The following TENM2 variants were observed in gnomAD, a reference collection of about 807,000 sequenced individuals.
TENM2 encodes teneurin transmembrane protein 2, also known as teneurin-2.
In TENM2, 52 loss-of-function variants were observed where a neutral mutation model predicts 245.2. That is an observed-to-expected ratio of 0.21 (90% CI 0.17 to 0.27). The LOEUF is 0.27. Ranked by LOEUF, TENM2 falls within the 10% of genes least tolerant of loss-of-function variation. The pLI is 1.00. For synonymous variants in TENM2, 1,363 were observed against 1,438.9 expected (o/e 0.95, Z 1.19); for missense variants, 3,046 against 3,666.8 (o/e 0.83, Z 4.37).
intron 3 of TENM2, among the ~76,000 whole-genome samples, chr5:167,892,700 G>T (rs760721378): frequency 6.6e-6 from 1 of 152,088 alleles, no homozygotes; most frequent in African/African-American, 2.4e-5. Context: ...ATTTTGCCTC[G>T]ATTATAGTTC....
At chr5:167,429,019 G>A (rs1237740128) in intron 2 of TENM2, among the ~76,000 whole-genome samples, 2 of 152,084 alleles carry the variant, frequency 1.3e-5, no homozygotes, top group African/African-American at 2.4e-5. Flanking sequence ...TTCCCAGAAA[G>A]TATTTTTATA....
At chr5:167,116,774 C>A in the TENM2 span, 1 of 151,728 alleles carries the variant, frequency 6.6e-6, no homozygotes, top group African/African-American at 2.4e-5. Flanking sequence ...TCAAAAATTT[C>A]TTTCCACTCA....
At chr5:168,231,401 A>C (rs1376016507) in intron 25 of TENM2, among the ~76,000 whole-genome samples, 1 of 152,254 alleles carries the variant, frequency 6.6e-6, no homozygotes, top group Non-Finnish European at 1.5e-5. Context: ...GGAAAGGCCA[A>C]GAGGCCAAAA....
chr5:167,870,569 A>ATATATATATATATATATATATG (rs372917707), intron 2 of TENM2, among the ~76,000 whole-genome samples: 1 of 142,446 alleles, frequency 7.0e-6, no homozygotes, highest in African/African-American at 2.8e-5. Context: ...ATATATATAT[A>ATATATATATATATATATATATG]TGTGTGTGTA....
At chr5:167,763,296 G>A (rs1413241477) in intron 2 of TENM2, among the ~76,000 whole-genome samples, 1 of 152,174 alleles carries the variant, frequency 6.6e-6, no homozygotes, top group Non-Finnish European at 1.5e-5. Context: ...GTGGACCATA[G>A]AGAGCACAAC....
chr5:168,079,352 A>G (rs370282235), intron 7 of TENM2, among the ~76,000 whole-genome samples: 1 of 151,934 alleles, frequency 6.6e-6, no homozygotes, highest in Non-Finnish European at 1.5e-5. Context: ...GGGTTTTCTA[A>G]ATATACAATC....
chr5:168,245,842 G>C (rs1164041385), intron 26 of TENM2, among the ~76,000 whole-genome samples: 5 of 152,150 alleles, frequency 3.3e-5, no homozygotes, highest in African/African-American at 1.2e-4. Context: ...TGATTGACCA[G>C]GGGAGCAGGA....
chr5:167,214,680 A>G, the TENM2 span, among the ~76,000 whole-genome samples: 1 of 152,180 alleles, frequency 6.6e-6, no homozygotes, highest in Non-Finnish European at 1.5e-5. Context: ...ATTAGCAATG[A>G]TGGACCCTGG....
the TENM2 span, among the ~76,000 whole-genome samples, chr5:167,163,932 A>T: frequency 6.6e-6 from 1 of 152,238 alleles, no homozygotes; most frequent in African/African-American, 2.4e-5. Context: ...CTGCATGCTC[A>T]TATCAGAGCC....
chr5:168,178,227 C>T (rs1759523839), intron 13 of TENM2, among the ~76,000 whole-genome samples: 1 of 152,216 alleles, frequency 6.6e-6, no homozygotes, highest in Non-Finnish European at 1.5e-5. Flanking sequence ...CTGTCTGGCA[C>T]CAGGCTGCCA....
At chr5:167,385,517 T>C (rs1476583942) in intron 2 of TENM2, among the ~76,000 whole-genome samples, 1 of 150,150 alleles carries the variant, frequency 6.7e-6, no homozygotes, top group African/African-American at 2.5e-5. Flanking sequence ...TTTTTTTTTT[T>C]ACTTCCATAG....
At chr5:167,990,603 A>G (rs190391260) in intron 4 of TENM2, among the ~76,000 whole-genome samples, 9 of 152,340 alleles carry the variant, frequency 5.9e-5, no homozygotes, top group East Asian at 3.9e-4. Context: ...GTCTTGTGCT[A>G]CAATGCTGTC....
intron 2 of TENM2, among the ~76,000 whole-genome samples, chr5:167,517,679 C>T (rs1770473322): frequency 1.3e-5 from 2 of 152,130 alleles, no homozygotes; most frequent in African/African-American, 4.8e-5. Context: ...AAGTTTTTAT[C>T]TGGGAACATT....
At chr5:168,263,112 G>A (rs1456849557), downstream of TENM2, 10 of 302,936 alleles carry the variant, frequency 3.3e-5, no homozygotes, top group African/African-American at 1.7e-4. Context: ...CTGGGTCTAC[G>A]CAGAAAAGAG....
At chr5:167,566,336 ATGTC>A (rs949384211) in intron 2 of TENM2, among the ~76,000 whole-genome samples, 2 of 152,234 alleles carry the variant, frequency 1.3e-5, no homozygotes, top group Admixed American at 1.3e-4. Flanking sequence ...ACCCTCCAGA[ATGTC>A]TGTCTGTTGT....
intron 2 of TENM2, among the ~76,000 whole-genome samples, chr5:167,398,732 G>T (rs1367253993): frequency 1.3e-5 from 2 of 152,176 alleles, no homozygotes; most frequent in African/African-American, 2.4e-5. Flanking sequence ...GAGGTGCTAG[G>T]ATTACACCAG....
chr5:167,485,444 A>G (rs1767998764), intron 2 of TENM2, among the ~76,000 whole-genome samples: 1 of 152,250 alleles, frequency 6.6e-6, no homozygotes, highest in Non-Finnish European at 1.5e-5. Flanking sequence ...AAATGAAATT[A>G]ACGTGTCTTT....
the TENM2 span, among the ~76,000 whole-genome samples, chr5:167,251,285 A>T: frequency 6.6e-6 from 1 of 152,134 alleles, no homozygotes; most frequent in African/African-American, 2.4e-5. Flanking sequence ...ACAAACAAAT[A>T]ACTAAATTCA....
At chr5:168,077,785 C>T (rs1581234527) in intron 7 of TENM2, among the ~76,000 whole-genome samples, 1 of 152,260 alleles carries the variant, frequency 6.6e-6, no homozygotes, top group African/African-American at 2.4e-5. Context: ...GCATAGTATT[C>T]CATGGTGTAT....
Sources: gnomAD v4.1 joint callset for allele counts (sites outside exome capture counted in the v4.1 genomes callset) on GRCh38, gnomAD v4.1.1 for gene constraint, MANE v1.5 for transcripts, NCBI Gene and HGNC (gene_info 2026-07-23, HGNC 2026-07-21) for gene names.